The following ZDHHC15 variants were observed in gnomAD, a reference collection of about 807,000 sequenced individuals.
ZDHHC15 encodes zDHHC palmitoyltransferase 15.
In ZDHHC15, 19 loss-of-function variants were observed where a neutral mutation model predicts 31.7. The observed-to-expected ratio is 0.60, with a 90% CI of 0.42 to 0.88. The LOEUF is 0.88. Among genes scored for constraint, ZDHHC15 ranks in the 40% least tolerant of loss-of-function variants. ZDHHC15 has a pLI of 0.00. For synonymous variants in ZDHHC15, 103 were observed against 90.0 expected (o/e 1.14, Z -0.82); for missense variants, 209 against 251.2 (o/e 0.83, Z 1.14).
chrX:75,492,026 T>G (rs935163051), intron 2 of ZDHHC15, among the ~76,000 whole-genome samples: 1 of 111,253 alleles, frequency 9.0e-6, no homozygotes, highest in Non-Finnish European at 1.9e-5. Flanking sequence ...GACCCATCAG[T>G]GTGCTGTATT....
chrX:75,390,324 C>A (rs1051840642), intron 10 of ZDHHC15, among the ~76,000 whole-genome samples: 2 of 111,207 alleles, frequency 1.8e-5, no homozygotes, highest in Non-Finnish European at 3.8e-5. Context: ...ACCTGGCTGG[C>A]TTTGCAACCT....
intron 2 of ZDHHC15, among the ~76,000 whole-genome samples, chrX:75,496,687 G>T (rs772996142): frequency 9.0e-6 from 1 of 111,591 alleles, no homozygotes; most frequent in Admixed American, 9.6e-5. Context: ...AAAATTGGAA[G>T]TTAACTCCAA....
At chrX:75,425,394 CA>C (rs1602604200) in intron 7 of ZDHHC15, among the ~76,000 whole-genome samples, 2 of 111,478 alleles carry the variant, frequency 1.8e-5, no homozygotes, top group African/African-American at 6.5e-5. Flanking sequence ...CAGTAAAAAT[CA>C]AGCAGAATTT....
At position 75,381,660 on chromosome X, in the gene ZDHHC15, A is replaced by G. The variant is rs190961781; in HGVS notation, c.968-2462T>C. 2.3e-4 allele frequency among the ~76,000 whole-genome samples: 26 copies of G among 111,539 alleles called. No individual in the cohort carries two copies. In the Admixed American group the frequency reaches 2.5e-3, roughly 11 times the overall value. ...TGTTATCAAGTCTATAAAACCCTCT[A>G]TCATCTGGCCGTATCTTACCTCTCT... On this transcript the variant is annotated intron_variant, in intron 10 of 11. Coordinates refer to ENST00000373367, the MANE Select transcript of ZDHHC15 (RefSeq NM_144969.3).
rs180752891 is a variant in ZDHHC15 at position 75,383,116 on chromosome X, G to A, written c.968-3918C>T. On this transcript the variant is annotated intron_variant, in intron 10 of 11. Coordinates refer to ENST00000373367, the MANE Select transcript of ZDHHC15 (RefSeq NM_144969.3). ...ACTGGGTGGTATAGTTGTTAAAAGA[G>A]TTTGGACTTTTGAGCCAGGATCTGT... is the stretch of plus-strand genomic sequence containing the variant. Among the ~76,000 whole-genome samples, 10 of 111,946 alleles carry A rather than the reference G, an allele frequency of 8.9e-5. No individual in the cohort carries two copies. In the Admixed American group the frequency reaches 9.5e-4, roughly 11 times the overall value.
intron 7 of ZDHHC15, among the ~76,000 whole-genome samples, chrX:75,427,960 T>C (rs926930822): frequency 9.0e-6 from 1 of 111,700 alleles, no homozygotes; most frequent in Non-Finnish European, 1.9e-5. Flanking sequence ...CACTGATTAA[T>C]AATTTAAATA....
At chrX:75,465,478 A>C (rs2084388915) in intron 3 of ZDHHC15, among the ~76,000 whole-genome samples, 1 of 111,921 alleles carries the variant, frequency 8.9e-6, no homozygotes, top group South Asian at 3.7e-4. Flanking sequence ...TATGGAACCA[A>C]AAAAGAGCCT....
At chrX:75,513,127 C>T (rs1035288755) in intron 1 of ZDHHC15, among the ~76,000 whole-genome samples, 13 of 109,744 alleles carry the variant, frequency 1.2e-4, no homozygotes, top group Admixed American at 5.9e-4. Context: ...ACACCTTATA[C>T]AAAATCAATT....
intron 10 of ZDHHC15, among the ~76,000 whole-genome samples, chrX:75,392,777 A>G (rs2083260574): frequency 8.9e-6 from 1 of 112,007 alleles, no homozygotes; most frequent in Non-Finnish European, 1.9e-5. Flanking sequence ...ATAGGCATAA[A>G]CATTTTTTTT....
At chrX:75,477,045 T>C (rs773709210) in intron 3 of ZDHHC15, among the ~76,000 whole-genome samples, 4 of 111,540 alleles carry the variant, frequency 3.6e-5, no homozygotes, top group Non-Finnish European at 5.7e-5. Context: ...CACTGCTTTA[T>C]TGCATCCCCT....
intron 9 of ZDHHC15, among the ~76,000 whole-genome samples, 170 bp from the exon 10 acceptor site, chrX:75,417,360 C>T (rs183663004): frequency 1.8e-5 from 2 of 111,785 alleles, no homozygotes; most frequent in Middle Eastern, 4.6e-3. Flanking sequence ...ATATTGCTCT[C>T]GATTTCCATA....
chrX:75,444,675 TATATATATATATACAC>T (rs1478069672), intron 4 of ZDHHC15, among the ~76,000 whole-genome samples: 1 of 40,870 alleles, frequency 2.4e-5, no homozygotes, highest in Non-Finnish European at 5.5e-5. Context: ...TATATATATA[TATATATATATATACAC>T]ACACACACAC....
chrX:75,508,492 G>T (rs2148053544), intron 1 of ZDHHC15, among the ~76,000 whole-genome samples: 1 of 108,440 alleles, frequency 9.2e-6, no homozygotes, highest in East Asian at 3.0e-4. Flanking sequence ...CTTTTTTATG[G>T]CTGCATAGTA....
At chrX:75,492,418 G>A (rs2084913613) in intron 2 of ZDHHC15, among the ~76,000 whole-genome samples, 1 of 110,969 alleles carries the variant, frequency 9.0e-6, no homozygotes, top group Admixed American at 9.6e-5. Flanking sequence ...ACTGAGCTCT[G>A]CACCAAGCGG....
chrX:75,434,192 T>C (rs1351712422), intron 4 of ZDHHC15, among the ~76,000 whole-genome samples: 1 of 111,855 alleles, frequency 8.9e-6, no homozygotes, highest in Non-Finnish European at 1.9e-5. Flanking sequence ...GGGATTGTTT[T>C]TTTCTTGCTG....
chrX:75,499,307 C>G (rs1261540676), intron 2 of ZDHHC15, among the ~76,000 whole-genome samples: 1 of 111,577 alleles, frequency 9.0e-6, no homozygotes, highest in African/African-American at 3.3e-5. Flanking sequence ...AGCTTCTGCA[C>G]AGCAAAATAA....
chrX:75,431,041 T>C (rs886289533), intron 5 of ZDHHC15, among the ~76,000 whole-genome samples: 1 of 111,732 alleles, frequency 8.9e-6, no homozygotes. Context: ...CTGGAACAGA[T>C]AAAGGACATT....
chrX:75,412,698 TG>T (rs1219606932), intron 10 of ZDHHC15, among the ~76,000 whole-genome samples: 1 of 112,012 alleles, frequency 8.9e-6, no homozygotes, highest in Non-Finnish European at 1.9e-5. Context: ...CCCAAAGTGC[TG>T]GGATTACAGG....
At chrX:75,492,567 T>A (rs2084916894) in intron 2 of ZDHHC15, among the ~76,000 whole-genome samples, 1 of 111,527 alleles carries the variant, frequency 9.0e-6, no homozygotes, top group African/African-American at 3.3e-5. Flanking sequence ...AGAACAGAAA[T>A]TATAACAAAC....
Sources: allele counts gnomAD v4.1 joint callset (sites outside exome capture counted in the v4.1 genomes callset), GRCh38; gene constraint gnomAD v4.1.1; transcripts MANE v1.5; gene names NCBI Gene and HGNC (gene_info 2026-07-23, HGNC 2026-07-21).